FYB1: variants seen among roughly 807,000 people sequenced by gnomAD.
FYB1 encodes FYN-binding protein 1.
In FYB1, 41 loss-of-function variants were observed where a neutral mutation model predicts 94.1. The ratio of observed to expected loss-of-function variants is 0.44; its 90% CI spans 0.34 to 0.57. The LOEUF (loss-of-function observed/expected upper bound fraction) is 0.57, where lower values mean the gene tolerates loss of function less well. FYB1 is among the 20% of genes least tolerant of loss of function. FYB1 has a pLI of 0.02. For synonymous variants in FYB1, 367 were observed against 353.2 expected (o/e 1.04, Z -0.44); for missense variants, 1,050 against 976.8 (o/e 1.07, Z -1.00).
At chr5:39,181,502 G>A (rs1746229053) in intron 2 of FYB1, among the ~76,000 whole-genome samples, 1 of 152,126 alleles carries the variant, frequency 6.6e-6, no homozygotes, top group East Asian at 1.9e-4. Flanking sequence ...GAAGCATCAG[G>A]TCCCAAGAGG....
chr5:39,178,604 G>A (rs11747783), intron 2 of FYB1, among the ~76,000 whole-genome samples: 88,900 of 152,004 alleles, frequency 0.58, 29,800 homozygotes, highest in Non-Finnish European at 0.75. Context: ...GGAGAGAGAC[G>A]AAAATAAAGT....
chr5:39,185,588 A>G (rs1746682838), intron 2 of FYB1, among the ~76,000 whole-genome samples: 1 of 146,820 alleles, frequency 6.8e-6, no homozygotes, highest in African/African-American at 2.5e-5. Flanking sequence ...ACATATATAC[A>G]TATATATACA....
chr5:39,163,461 A>G (rs184215503), intron 2 of FYB1, among the ~76,000 whole-genome samples: 2 of 152,330 alleles, frequency 1.3e-5, no homozygotes, highest in East Asian at 3.9e-4. Flanking sequence ...GAGGAAAATA[A>G]GTACAGAAAG....
intron 9 of FYB1, among the ~76,000 whole-genome samples, chr5:39,131,748 A>G (rs1741220021): frequency 6.6e-6 from 1 of 152,200 alleles, no homozygotes; most frequent in African/African-American, 2.4e-5. Flanking sequence ...AATTATGTGA[A>G]GAGCTGCATT....
At chr5:39,180,705 T>C (rs1384924112) in intron 2 of FYB1, among the ~76,000 whole-genome samples, 1 of 152,184 alleles carries the variant, frequency 6.6e-6, no homozygotes, top group Non-Finnish European at 1.5e-5. Context: ...TCCCACTAAA[T>C]GCTGGTGTAG....
chr5:39,178,748 T>C (rs1016174564), intron 2 of FYB1, among the ~76,000 whole-genome samples: 3 of 152,182 alleles, frequency 2.0e-5, no homozygotes, highest in Non-Finnish European at 2.9e-5. Context: ...ATTTAAAAAA[T>C]CTTTAAAGAA....
chr5:39,202,517 T>C lies in FYB1; in HGVS notation c.444A>G (p.Leu148=). The change falls in exon 2 of 19, where the codon TTA becomes TTG. Residue 148 remains leucine (L), a synonymous_variant. Coordinates refer to ENST00000512982, the MANE Select transcript of FYB1 (RefSeq NM_001465.6). The part of the protein sequence containing the change: ...SLHSVNQDHD[L]KPLGPKSGPT... ...GCCCAGATTTCGGGCCTAGTGGCTT[T>C]AAGTCATGGTCTTGGTTTACACTGT... is the stretch of plus-strand genomic sequence containing the variant. The C allele has an allele frequency of 6.2e-7, 1 of 1,614,032 alleles. No individual in the cohort carries two copies. Among genetic ancestry groups the C allele is most frequent in the Non-Finnish European group, 8.5e-7 (1 of 1,179,892 alleles).
chr5:39,273,269 T>C (rs959902034), intron 1 of FYB1, among the ~76,000 whole-genome samples: 4 of 152,204 alleles, frequency 2.6e-5, no homozygotes, highest in South Asian at 2.1e-4. Flanking sequence ...GAAGTGGACA[T>C]GGGAGACTTT....
chr5:39,149,596 C>T (rs80109044), intron 3 of FYB1, among the ~76,000 whole-genome samples: 1 of 152,218 alleles, frequency 6.6e-6, no homozygotes, highest in African/African-American at 2.4e-5. Flanking sequence ...TATATTTGCT[C>T]TGTCCAATTC....
upstream of FYB1, among the ~76,000 whole-genome samples, chr5:39,221,563 G>T (rs1340096272): frequency 1.3e-5 from 2 of 152,164 alleles, no homozygotes; most frequent in African/African-American, 2.4e-5. Flanking sequence ...AATTCCTTCT[G>T]CATGGGGGCA....
chr5:39,127,781 C>T lies in FYB1; in HGVS notation c.1867G>A (p.Asp623Asn). Residue 623 changes from aspartate to asparagine, a missense_variant, in exon 11 of 19, where the codon GAC (aspartate) becomes AAC (asparagine). By Grantham distance (23) the Asp-to-Asn change is conservative. Coordinates refer to ENST00000512982, the MANE Select transcript of FYB1 (RefSeq NM_001465.6). ...GGIFPPPPDD[D>N]IYDGIEEEDA... ...TCCTCTTCAATCCCATCATAAATGT[C>T]ATCATCTGGTGGTGGAGGGAATATC... The T allele has an allele frequency of 6.2e-7, 1 of 1,604,308 alleles. No homozygotes were observed. The highest frequency in any genetic ancestry group is 8.5e-7 in the Non-Finnish European group (1 of 1,175,022).
At chr5:39,185,587 CAT>C (rs1226663454) in intron 2 of FYB1, among the ~76,000 whole-genome samples, 4 of 136,302 alleles carry the variant, frequency 2.9e-5, no homozygotes, top group African/African-American at 1.2e-4. Context: ...TACATATATA[CAT>C]ATATATACAT....
upstream of FYB1, among the ~76,000 whole-genome samples, chr5:39,221,221 T>A (rs1380117435): frequency 6.6e-6 from 1 of 152,114 alleles, no homozygotes; most frequent in Non-Finnish European, 1.5e-5. Context: ...CCCAGCTGGC[T>A]GGGATGCTGT....
At chr5:39,154,308 G>A (rs1422831487) in intron 2 of FYB1, among the ~76,000 whole-genome samples, 1 of 151,842 alleles carries the variant, frequency 6.6e-6, no homozygotes, top group African/African-American at 2.4e-5. Flanking sequence ...ATCCTCCATC[G>A]ACTTTCTGGT....
intron 1 of FYB1, among the ~76,000 whole-genome samples, chr5:39,231,841 C>T (rs776153363): frequency 7.7e-4 from 117 of 152,074 alleles, no homozygotes; most frequent in Non-Finnish European, 1.3e-3. Flanking sequence ...AGTTGGGTTT[C>T]AGTCATTAGA....
intron 2 of FYB1, among the ~76,000 whole-genome samples, chr5:39,193,802 C>T (rs551808021): frequency 5.5e-4 from 84 of 152,278 alleles, no homozygotes; most frequent in African/African-American, 1.9e-3. Flanking sequence ...GAAAATGGAA[C>T]GGAATCTGGG....
At chr5:39,174,218 TG>T (rs1745501378) in intron 2 of FYB1, among the ~76,000 whole-genome samples, 2 of 152,176 alleles carry the variant, frequency 1.3e-5, no homozygotes, top group South Asian at 4.1e-4. Flanking sequence ...CTATTGTAAA[TG>T]GGATTGTGTT....
chr5:39,221,253 C>G (rs1281915284), upstream of FYB1, among the ~76,000 whole-genome samples: 1 of 152,116 alleles, frequency 6.6e-6, no homozygotes, highest in Non-Finnish European at 1.5e-5. Flanking sequence ...CTCTTCTGAT[C>G]CAGTGATGAC....
intron 16 of FYB1, among the ~76,000 whole-genome samples, chr5:39,113,662 C>T (rs1739271505): frequency 6.6e-6 from 1 of 151,136 alleles, no homozygotes; most frequent in African/African-American, 2.4e-5. Flanking sequence ...CTAATATTTT[C>T]AAATTTTTTA....
Sources: gnomAD v4.1 joint callset for allele counts (sites outside exome capture counted in the v4.1 genomes callset) on GRCh38, gnomAD v4.1.1 for gene constraint, MANE v1.5 for transcripts, NCBI Gene and HGNC (gene_info 2026-07-23, HGNC 2026-07-21) for gene names.